The following FAM78B variants were observed in gnomAD, a reference collection of about 807,000 sequenced individuals.
The protein encoded by FAM78B is family with sequence similarity 78 member B.
FAM78B carries 10 observed loss-of-function variants against 20.0 expected under a neutral mutation model. The observed-to-expected ratio is 0.50, with a 90% CI of 0.31 to 0.85. The LOEUF (loss-of-function observed/expected upper bound fraction) is 0.85, where lower values mean the gene tolerates loss of function less well. Ranked by LOEUF, FAM78B falls within the 40% of genes least tolerant of loss-of-function variation. FAM78B has a pLI of 0.05. For synonymous variants in FAM78B, 135 were observed against 132.8 expected, an observed-to-expected ratio of 1.02 and a Z score of -0.12; for missense variants, 283 against 345.0, an observed-to-expected ratio of 0.82 and a Z score of 1.42.
chr1:166,137,792 T>C (rs1655122694), intron 1 of FAM78B, among the ~76,000 whole-genome samples: 1 of 152,250 alleles, frequency 6.6e-6, no homozygotes, highest in South Asian at 2.1e-4. Flanking sequence ...AGAATAGTAC[T>C]ATGGGAAGTA....
chr1:166,133,974 G>A (rs913325162), intron 1 of FAM78B, among the ~76,000 whole-genome samples: 8 of 152,060 alleles, frequency 5.3e-5, no homozygotes, highest in Non-Finnish European at 1.0e-4. Context: ...TTTTACCAAC[G>A]GGAGACTGAG....
At chr1:166,104,437 T>C (rs1557901114) in intron 1 of FAM78B, among the ~76,000 whole-genome samples, 1 of 152,188 alleles carries the variant, frequency 6.6e-6, no homozygotes, top group Non-Finnish European at 1.5e-5. Context: ...GGTGACATGA[T>C]TGTATATCTA....
chr1:166,158,601 G>A (rs996980107), intron 1 of FAM78B, among the ~76,000 whole-genome samples: 9 of 152,248 alleles, frequency 5.9e-5, no homozygotes, highest in Middle Eastern at 6.8e-3. Flanking sequence ...ATCTCCAGAC[G>A]TTCCTCGATC....
chr1:166,140,670 G>A (rs1292624960), intron 1 of FAM78B, among the ~76,000 whole-genome samples: 2 of 152,216 alleles, frequency 1.3e-5, no homozygotes, highest in Non-Finnish European at 2.9e-5. Context: ...GGGATAAGTG[G>A]CTGATTACTA....
intron 1 of FAM78B, among the ~76,000 whole-genome samples, chr1:166,139,157 G>T (rs775941415): frequency 2.0e-5 from 3 of 152,130 alleles, no homozygotes; most frequent in Non-Finnish European, 4.4e-5. Context: ...GTCCATAAAG[G>T]TATAGCAGCT....
chr1:166,110,398 G>A (rs1654004861), intron 1 of FAM78B, among the ~76,000 whole-genome samples: 1 of 152,166 alleles, frequency 6.6e-6, no homozygotes. Flanking sequence ...CAGGCAGTAA[G>A]AGACAGCAAG....
chr1:166,123,526 A>G (rs1571183935), intron 1 of FAM78B, among the ~76,000 whole-genome samples: 1 of 152,324 alleles, frequency 6.6e-6, no homozygotes, highest in East Asian at 1.9e-4. Flanking sequence ...AACGACCCCA[A>G]TTTAATATTC....
At chr1:166,104,871 A>T (rs1195182551) in intron 1 of FAM78B, among the ~76,000 whole-genome samples, 1 of 152,182 alleles carries the variant, frequency 6.6e-6, no homozygotes, top group Non-Finnish European at 1.5e-5. Flanking sequence ...GTTCATATGG[A>T]ACTAAAAAAG....
intron 1 of FAM78B, among the ~76,000 whole-genome samples, chr1:166,156,863 C>T (rs1655916394): frequency 6.6e-6 from 1 of 151,978 alleles, no homozygotes; most frequent in Admixed American, 6.6e-5. Context: ...ATACTGTTAC[C>T]AAAGAAGGGC....
chr1:166,127,450 A>G (rs1006968464), intron 1 of FAM78B, among the ~76,000 whole-genome samples: 3 of 152,122 alleles, frequency 2.0e-5, no homozygotes, highest in Non-Finnish European at 4.4e-5. Flanking sequence ...GGAGAGTCCA[A>G]CTTCCTTCCA....
chr1:166,138,537 G>A (rs1339359299), intron 1 of FAM78B, among the ~76,000 whole-genome samples: 5 of 152,156 alleles, frequency 3.3e-5, no homozygotes, highest in African/African-American at 1.2e-4. Flanking sequence ...GCTTAGTGGT[G>A]TTAGAATAAA....
At chr1:166,083,217 A>G (rs1269158527) in intron 1 of FAM78B, among the ~76,000 whole-genome samples, 1 of 152,236 alleles carries the variant, frequency 6.6e-6, no homozygotes, top group Non-Finnish European at 1.5e-5. Context: ...TTGTGGGACT[A>G]TAGGAGTTTT....
chr1:166,117,373 AT>A (rs955170837), intron 1 of FAM78B, among the ~76,000 whole-genome samples: 20 of 151,054 alleles, frequency 1.3e-4, no homozygotes, highest in East Asian at 3.9e-4. Context: ...TTTTATTATT[AT>A]TTTTTTTTGT....
At chr1:166,114,712 G>A (rs1028820397) in intron 1 of FAM78B, among the ~76,000 whole-genome samples, 6 of 152,180 alleles carry the variant, frequency 3.9e-5, no homozygotes, top group East Asian at 1.9e-4. Context: ...CAGAGGACAC[G>A]GGAGGGGAAG....
At chr1:166,151,857 A>T (rs1376661) in intron 1 of FAM78B, among the ~76,000 whole-genome samples, 143,487 of 152,262 alleles carry the variant, frequency 0.94, 68,158 homozygotes, top group East Asian at 1. Context: ...CCTCTCCCCT[A>T]CTGTTCAACT....
At chr1:166,058,594 T>C (rs1651448928) in exon 3 of FAM78B, 1 of 151,794 alleles carries the variant, frequency 6.6e-6, no homozygotes, top group Non-Finnish European at 1.5e-5. Context: ...GATATGGAGT[T>C]CACTGGGGCC....
At chr1:166,148,125 T>C (rs944420299) in intron 1 of FAM78B, among the ~76,000 whole-genome samples, 1 of 152,210 alleles carries the variant, frequency 6.6e-6, no homozygotes, top group Non-Finnish European at 1.5e-5. Flanking sequence ...AACAGATGAA[T>C]GCAAAGTAAG....
downstream of FAM78B, among the ~76,000 whole-genome samples, chr1:166,056,688 CA>C (rs1651357045): frequency 1.3e-5 from 2 of 152,116 alleles, no homozygotes; most frequent in Non-Finnish European, 2.9e-5. Flanking sequence ...TTAGCAAAAG[CA>C]AAGCAGAATC....
chr1:166,135,204 T>C (rs1655024708), intron 1 of FAM78B, among the ~76,000 whole-genome samples: 1 of 152,168 alleles, frequency 6.6e-6, no homozygotes, highest in Admixed American at 6.6e-5. Flanking sequence ...TCAACACGGC[T>C]TATAACTGCC....
Sources: allele counts gnomAD v4.1 joint callset (sites outside exome capture counted in the v4.1 genomes callset), GRCh38; gene constraint gnomAD v4.1.1; transcripts MANE v1.5; gene names NCBI Gene and HGNC (gene_info 2026-07-23, HGNC 2026-07-21).